The following HTT variants were observed in gnomAD, a reference collection of about 807,000 sequenced individuals.
HTT encodes the protein huntingtin, also known as huntington disease protein.
In HTT, 104 loss-of-function variants were observed where a neutral mutation model predicts 362.3. The observed-to-expected ratio is 0.29, with a 90% CI of 0.24 to 0.34. The LOEUF is 0.34. Ranked by LOEUF, HTT falls within the 10% of genes least tolerant of loss-of-function variation. The pLI is 1.00. For synonymous variants in HTT, 1,577 were observed against 1,548.7 expected, an observed-to-expected ratio of 1.02 and a Z score of -0.43; for missense variants, 3,301 against 3,928.6, an observed-to-expected ratio of 0.84 and a Z score of 4.27.
intron 8 of HTT, among the ~76,000 whole-genome samples, chr4:3,119,997 C>T (rs750480957): frequency 5.3e-5 from 8 of 152,110 alleles, no homozygotes; most frequent in African/African-American, 1.2e-4. Context: ...GGCTCTGTTC[C>T]GGTGAAACTT....
intron 2 of HTT, among the ~76,000 whole-genome samples, chr4:3,098,675 CTT>C (rs1479645000): frequency 6.6e-6 from 1 of 152,196 alleles, no homozygotes; most frequent in Non-Finnish European, 1.5e-5. Flanking sequence ...TTTTGTGACT[CTT>C]TGTCTCGCAC....
intron 64 of HTT, 150 bp downstream of exon 64, chr4:3,236,404 G>A (rs540429174): frequency 1.5e-6 from 1 of 681,166 alleles, no homozygotes; most frequent in Admixed American, 2.1e-5. Context: ...GGCTGCCTTG[G>A]CTCAGGGTTC....
chr4:3,077,628 C>T (rs1712629742), intron 1 of HTT, among the ~76,000 whole-genome samples: 1 of 152,070 alleles, frequency 6.6e-6, no homozygotes, highest in Non-Finnish European at 1.5e-5. Flanking sequence ...CCATGTTGGC[C>T]AGGCTGGTCT....
At chr4:3,075,648 A>AGC (rs1386969343) in intron 1 of HTT, among the ~76,000 whole-genome samples, 1 of 54,364 alleles carries the variant, frequency 1.8e-5, no homozygotes, top group Non-Finnish European at 4.0e-5. Flanking sequence ...GTGGCGGGGC[A>AGC]GGGGGGGGGC....
chr4:3,209,831 G>T lies in HTT; in HGVS notation c.6296G>T (p.Trp2099Leu). Residue 2099 changes from tryptophan (W) to leucine (L), a missense_variant, in exon 47 of 67, where the codon TGG becomes TTG. Physicochemically the swap from Trp to Leu is moderately conservative, Grantham distance 61 (BLOSUM62 -2). Around this residue, in one of 4 missense-constraint regions of HTT, gnomAD observed 2,316 missense variants for 2,658.5 expected, o/e 0.87. Transcript: ENST00000355072. ...SLETVSPDKDWYVHLVKSQCW... is the reference protein window; with the variant it reads ...SLETVSPDKDLYVHLVKSQCW... ...TATCCATTTTTTTCTTCCCAGGACT[G>T]GTACGTTCATCTTGTCAAATCCCAG... 1 of 1,613,832 alleles carries T rather than the reference G, an allele frequency of 6.2e-7. No homozygotes were observed. Among genetic ancestry groups the T allele is most frequent in the Non-Finnish European group, 8.5e-7 (1 of 1,179,856 alleles).
intron 29 of HTT, among the ~76,000 whole-genome samples, chr4:3,163,428 A>T (rs1717540537): frequency 6.6e-6 from 1 of 152,210 alleles, no homozygotes; most frequent in Admixed American, 6.5e-5. Context: ...TATCAGGATG[A>T]TGCTGGCCTC....
intron 2 of HTT, 43 bp downstream of exon 2, chr4:3,087,065 A>AAC (rs1560541160): frequency 1.9e-6 from 2 of 1,064,628 alleles, no homozygotes; most frequent in Non-Finnish European, 2.9e-6. Flanking sequence ...AGAACTTTGT[A>AAC]TATTTTCAGT....
chr4:3,149,456 C>T (rs922283359), intron 26 of HTT, among the ~76,000 whole-genome samples: 5 of 152,030 alleles, frequency 3.3e-5, no homozygotes. Flanking sequence ...CAGGCATGCA[C>T]CACCACACCC....
chr4:3,136,796 A>G lies in HTT; in HGVS notation c.2798+470A>G, dbSNP rs144689173. On this transcript the variant is annotated intron_variant, in intron 21 of 66. Coordinates refer to ENST00000355072, the MANE Select transcript of HTT (RefSeq NM_001388492.1). ...TTTAGTTATGGGTCGTTGTTTTGCT[A>G]TGCGGTTGGGATAAAATTTTATATA... Among the ~76,000 whole-genome samples, 226 of 152,224 alleles carry G rather than the reference A, an allele frequency of 1.5e-3. 1 individual carries two copies. Among genetic ancestry groups the G allele is most frequent in the African/African-American group, 5.2e-3 (218 of 41,552 alleles).
intron 26 of HTT, among the ~76,000 whole-genome samples, chr4:3,151,756 G>C (rs1716903253): frequency 6.6e-6 from 1 of 152,108 alleles, no homozygotes; most frequent in Non-Finnish European, 1.5e-5. Flanking sequence ...CCGGTCCCTG[G>C]TGCCAAAAAG....
intron 56 of HTT, 152 bp from the exon 57 acceptor site, chr4:3,225,509 G>GCT: frequency 1.6e-6 from 1 of 629,442 alleles, no homozygotes; most frequent in South Asian, 2.0e-5. Flanking sequence ...GACCCACAGG[G>GCT]CTCTGCACAA....
Position 3,140,517 on chromosome 4 carries a change from C to T in HTT, c.2806C>T (p.Pro936Ser), listed in dbSNP as rs1716292650. The T allele has an allele frequency of 1.2e-6, 2 of 1,613,832 alleles. No individual in the cohort carries two copies. Among genetic ancestry groups the T allele is most frequent in the South Asian group, 1.1e-5 (1 of 91,056 alleles). ...ACCTTACTTTTGTGTTAGGCTTGTCCCAAAGCTGTTTTATAAATGTGACCA... is the reference window on the plus strand; with the variant it reads ...ACCTTACTTTTGTGTTAGGCTTGTCTCAAAGCTGTTTTATAAATGTGACCA... Reference protein sequence around the residue: ...VAAASLIRLVPKLFYKCDQGQ... With the variant: ...VAAASLIRLVSKLFYKCDQGQ... The change falls in exon 22 of 67, where the codon CCA becomes TCA. Residue 936 changes from proline (P) to serine (S), a missense_variant. Coordinates refer to ENST00000355072, the MANE Select transcript of HTT (RefSeq NM_001388492.1).
chr4:3,153,643 T>C (rs1318633), intron 26 of HTT, among the ~76,000 whole-genome samples: 7 of 152,104 alleles, frequency 4.6e-5, no homozygotes, highest in Non-Finnish European at 1.0e-4. Flanking sequence ...CTGCTTTGGG[T>C]TGGGCACGGT....
chr4:3,104,983 C>T (rs560904424), intron 4 of HTT, among the ~76,000 whole-genome samples: 3 of 152,180 alleles, frequency 2.0e-5, no homozygotes, highest in African/African-American at 4.8e-5. Context: ...GCTGTGCTGT[C>T]GAATACCAGG....
At position 3,107,458 on chromosome 4, in the gene HTT, T is replaced by A. The variant is rs775197522; in HGVS notation, c.747+35T>A. On this transcript the variant is annotated intron_variant, in intron 6 of 66. Coordinates refer to ENST00000355072, the MANE Select transcript of HTT (RefSeq NM_001388492.1). ...TTGCCTCAGGTCACAAACATGCGAG[T>A]GATGCTGTGAGTGAGTCTGTGGAGG... 6.2e-6 allele frequency: 10 copies of A among 1,610,738 alleles called. No homozygotes were observed. In the Admixed American group the frequency reaches 1.3e-4, roughly 21 times the overall value.
chr4:3,097,548 C>G (rs1713913874), intron 2 of HTT, among the ~76,000 whole-genome samples: 1 of 152,190 alleles, frequency 6.6e-6, no homozygotes, highest in African/African-American at 2.4e-5. Context: ...AGGAGAATTG[C>G]TTGAACCTGG....
At chr4:3,239,744 TG>T in intron 66 of HTT, 101 bp from the exon 67 acceptor site, 1 of 955,400 alleles carries the variant, frequency 1.0e-6, no homozygotes, top group Non-Finnish European at 1.6e-6. Context: ...CCAGGCTCCC[TG>T]GACCCCTTTG....
At chr4:3,200,536 G>A (rs138026791) in intron 41 of HTT, among the ~76,000 whole-genome samples, 119 of 152,240 alleles carry the variant, frequency 7.8e-4, no homozygotes, top group Middle Eastern at 3.4e-3. Context: ...CCTGGCCCCC[G>A]CCCAGCTGAA....
chr4:3,172,885 A>C, intron 30 of HTT, 23 bp from the exon 31 acceptor site: 1 of 1,530,430 alleles, frequency 6.5e-7, no homozygotes, highest in Non-Finnish European at 9.1e-7. Context: ...CACATTGTTG[A>C]TGCCTCATTT....
Sources: allele counts gnomAD v4.1 joint callset (sites outside exome capture counted in the v4.1 genomes callset), GRCh38; gene constraint gnomAD v4.1.1; regional missense constraint gnomAD v4.1.1; transcripts MANE v1.5; gene names NCBI Gene and HGNC (gene_info 2026-07-23, HGNC 2026-07-21).